ZHX2: variants seen among roughly 807,000 people sequenced by gnomAD.
ZHX2 encodes zinc fingers and homeoboxes 2, also known as zinc fingers and homeoboxes protein 2.
Under a neutral mutation model 21.9 loss-of-function variants are expected in ZHX2, and 6 were observed. The observed-to-expected ratio is 0.27, with a 90% CI of 0.15 to 0.54. The LOEUF is 0.54. ZHX2 is among the 20% of genes least tolerant of loss of function. ZHX2 has a pLI of 0.95. For synonymous variants in ZHX2, 434 were observed against 437.1 expected (o/e 0.99, Z 0.09); for missense variants, 908 against 1,090.7 (o/e 0.83, Z 2.36).
chr8:122,835,131 T>C (rs1354413812), intron 1 of ZHX2, among the ~76,000 whole-genome samples: 1 of 152,210 alleles, frequency 6.6e-6, no homozygotes, highest in Non-Finnish European at 1.5e-5. Flanking sequence ...AATTTTCTAA[T>C]ATAAGAGGTA....
At chr8:122,919,535 G>A (rs117398642) in intron 2 of ZHX2, among the ~76,000 whole-genome samples, 3 of 152,244 alleles carry the variant, frequency 2.0e-5, no homozygotes, top group East Asian at 1.9e-4. Flanking sequence ...AATGTGTGAT[G>A]GTACCACTCT....
intron 2 of ZHX2, among the ~76,000 whole-genome samples, chr8:122,898,682 C>G (rs537207338): frequency 3.3e-4 from 50 of 152,368 alleles, no homozygotes; most frequent in African/African-American, 1.2e-3. Context: ...ATTAAGCACT[C>G]TTTGTGACCA....
intron 2 of ZHX2, among the ~76,000 whole-genome samples, chr8:122,931,077 T>G (rs11986966): frequency 0.028 from 4,253 of 152,216 alleles, 179 homozygotes; most frequent in African/African-American, 0.098. Flanking sequence ...CTATGTACCT[T>G]TGCATGGGCC....
At chr8:122,942,480 AG>A (rs755673936) in intron 2 of ZHX2, among the ~76,000 whole-genome samples, 21 of 152,148 alleles carry the variant, frequency 1.4e-4, no homozygotes, top group Non-Finnish European at 2.6e-4. Flanking sequence ...CAAAGCCCGG[AG>A]GTGTGATTCC....
At chr8:122,852,107 C>G (rs961237472) in intron 1 of ZHX2, among the ~76,000 whole-genome samples, 20 of 152,160 alleles carry the variant, frequency 1.3e-4, no homozygotes, top group South Asian at 8.3e-4. Flanking sequence ...CAGTGACTGT[C>G]AGACTTTGAT....
chr8:122,906,654 T>TCA (rs1820353362), intron 2 of ZHX2, among the ~76,000 whole-genome samples: 1 of 150,632 alleles, frequency 6.6e-6, no homozygotes, highest in Non-Finnish European at 1.5e-5. Context: ...CACTTCTGTA[T>TCA]CACATAATTT....
chr8:122,937,196 G>A (rs1319459823), intron 2 of ZHX2, among the ~76,000 whole-genome samples: 1 of 152,236 alleles, frequency 6.6e-6, no homozygotes, highest in Admixed American at 6.5e-5. Flanking sequence ...AGGACCTGGG[G>A]CAGAGCAATG....
At chr8:122,933,382 T>G (rs1255785835) in intron 2 of ZHX2, among the ~76,000 whole-genome samples, 1 of 146,612 alleles carries the variant, frequency 6.8e-6, no homozygotes, top group Admixed American at 7.1e-5. Context: ...CCTTATTTAT[T>G]TATGTATGTG....
chr8:122,941,050 T>C (rs778419212), intron 2 of ZHX2, among the ~76,000 whole-genome samples: 22 of 145,658 alleles, frequency 1.5e-4, no homozygotes, highest in Non-Finnish European at 2.8e-4. Context: ...GGTAATATAA[T>C]GAGACCCCTA....
intron 3 of ZHX2, among the ~76,000 whole-genome samples, chr8:122,965,631 T>C (rs989870915): frequency 2.9e-4 from 44 of 152,192 alleles, no homozygotes; most frequent in Non-Finnish European, 1.2e-4. Flanking sequence ...CTGCAGTTGT[T>C]GAGTAGAACA....
rs573856339 is a variant in ZHX2 at position 122,973,846 on chromosome 8, C to T, written c.*609C>T. On this transcript the variant is annotated 3_prime_UTR_variant, in exon 4 of 4. Coordinates refer to ENST00000314393, the MANE Select transcript of ZHX2 (RefSeq NM_014943.5). ...AGAGAGGTGACAGACGGCAGATCTT[C>T]CAAATCAAATTCCTTTCCAGTTCTT... is the stretch of plus-strand genomic sequence containing the variant. The T allele has an allele frequency of 2.6e-4, 40 of 152,726 alleles. No homozygotes were observed. Among genetic ancestry groups the T allele is most frequent in the African/African-American group, 9.4e-4 (39 of 41,574 alleles). 9.5% of individuals were successfully genotyped at this position (152,726 alleles called of 1,614,324 possible). A position where few individuals can be genotyped will look rare whatever the true frequency, so the allele number is the denominator to read the frequency against.
intron 1 of ZHX2, among the ~76,000 whole-genome samples, chr8:122,840,209 G>A (rs1818595074): frequency 6.6e-6 from 1 of 152,234 alleles, no homozygotes; most frequent in African/African-American, 2.4e-5. Context: ...TTTCCAGACT[G>A]AGTCTTCTGT....
intron 2 of ZHX2, among the ~76,000 whole-genome samples, chr8:122,926,347 G>A (rs1820851878): frequency 6.6e-6 from 1 of 152,128 alleles, no homozygotes; most frequent in Non-Finnish European, 1.5e-5. Flanking sequence ...CTGTCAGTTT[G>A]CCATTAATTT....
chr8:122,823,612 C>G (rs1337622391), intron 1 of ZHX2, among the ~76,000 whole-genome samples: 1 of 152,226 alleles, frequency 6.6e-6, no homozygotes, highest in Non-Finnish European at 1.5e-5. Flanking sequence ...CCGACTGTCT[C>G]CATGCCCACT....
Position 122,952,035 on chromosome 8 carries a change from T to C in ZHX2, c.525T>C (p.Ser175=), listed in dbSNP as rs1433071631. Residue 175 remains serine, a synonymous_variant, in exon 3 of 4, where the codon AGT becomes AGC. Coordinates refer to ENST00000314393, the MANE Select transcript of ZHX2 (RefSeq NM_014943.5). The surrounding 1 kb of genome is among the most constrained non-coding windows in gnomAD (Gnocchi z 6.9). The part of the protein sequence containing the change: ...ITTSGPGTGD[S]DSGISVSKTP... ...CCAGTGGCCCTGGAACTGGTGACAG[T>C]GATTCTGGGATCTCGGTGAGTAAAA... is the stretch of plus-strand genomic sequence containing the variant. The C allele has an allele frequency of 6.2e-7, 1 of 1,613,384 alleles. No homozygotes were observed. The highest frequency in any genetic ancestry group is 8.5e-7 in the Non-Finnish European group (1 of 1,179,886).
chr8:122,922,285 A>G (rs1820759243), intron 2 of ZHX2, among the ~76,000 whole-genome samples: 1 of 152,126 alleles, frequency 6.6e-6, no homozygotes, highest in African/African-American at 2.4e-5. Context: ...GAAAAAAAAA[A>G]AAAGAAAAGG....
At chr8:122,811,597 C>T (rs1042442852) in intron 1 of ZHX2, among the ~76,000 whole-genome samples, 2 of 152,122 alleles carry the variant, frequency 1.3e-5, no homozygotes, top group African/African-American at 4.8e-5. Context: ...GCAGACAGAA[C>T]AGAAAGAGAA....
intron 2 of ZHX2, among the ~76,000 whole-genome samples, chr8:122,937,643 T>C (rs1378591313): frequency 6.6e-6 from 1 of 151,346 alleles, no homozygotes; most frequent in Non-Finnish European, 1.5e-5. Flanking sequence ...GCTGTGGCGC[T>C]GTCTCGGCTT....
intron 1 of ZHX2, among the ~76,000 whole-genome samples, chr8:122,784,004 G>A (rs879405389): frequency 1.3e-5 from 2 of 152,222 alleles, no homozygotes; most frequent in African/African-American, 4.8e-5. Context: ...TGAAGATTGT[G>A]CTTCAGGGGA....
Sources: gnomAD v4.1 joint callset for allele counts (sites outside exome capture counted in the v4.1 genomes callset) on GRCh38, gnomAD v4.1.1 for gene constraint, Gnocchi (gnomAD v3.1) non-coding constraint, MANE v1.5 for transcripts, NCBI Gene and HGNC (gene_info 2026-07-23, HGNC 2026-07-21) for gene names.